The following RBFOX1 variants were observed in gnomAD, a reference collection of about 807,000 sequenced individuals.
RBFOX1 encodes RNA binding protein fox-1 homolog 1.
Under a neutral mutation model 57.7 loss-of-function variants are expected in RBFOX1, and 8 were observed. The ratio of observed to expected loss-of-function variants is 0.14; its 90% CI spans 0.08 to 0.25. RBFOX1 has a LOEUF of 0.25. RBFOX1 is among the 10% of genes least tolerant of loss of function. RBFOX1 has a pLI of 1.00. For missense variants in RBFOX1, 611 were observed against 548.5 expected, an observed-to-expected ratio of 1.11 and a Z score of -1.14; for synonymous variants, 326 against 222.4, an observed-to-expected ratio of 1.47 and a Z score of -4.15.
At chr16:5,329,846 A>G (rs1236979404) in intron 1 of RBFOX1, among the ~76,000 whole-genome samples, 1 of 152,142 alleles carries the variant, frequency 6.6e-6, no homozygotes, top group East Asian at 1.9e-4. Flanking sequence ...AAAAAAGTCC[A>G]AAAATATTAG....
At position 5,917,072 on chromosome 16, in the gene RBFOX1, G is replaced by A. The variant is rs150517703; in HGVS notation, c.351+49737G>A. On this transcript the variant is annotated intron_variant, in intron 4 of 19. Coordinates refer to the RBFOX1 transcript ENST00000641259. ...TCTCCCTTCACCGCACCCTGCAGGC[G>A]TGGCCCCACTTGAACCTGCTCTACA... Among the ~76,000 whole-genome samples the A allele has an allele frequency of 5.3e-4, 81 of 152,186 alleles. 1 individual carries two copies. Among genetic ancestry groups the A allele is most frequent in the Non-Finnish European group, 8.7e-4 (59 of 68,006 alleles).
chr16:6,046,329 C>T (rs1420779333), intron 1 of RBFOX1, among the ~76,000 whole-genome samples: 1 of 152,118 alleles, frequency 6.6e-6, no homozygotes, highest in African/African-American at 2.4e-5. Context: ...TGAATGACTT[C>T]TAGCAAATGC....
At chr16:7,368,820 C>G (rs2097515222) in intron 4 of RBFOX1, among the ~76,000 whole-genome samples, 2 of 151,714 alleles carry the variant, frequency 1.3e-5, no homozygotes, top group Admixed American at 1.3e-4. Context: ...AGTGTATGTC[C>G]TTCTACAGTT....
At chr16:6,238,813 T>C (rs113764752) in intron 1 of RBFOX1, among the ~76,000 whole-genome samples, 5 of 152,334 alleles carry the variant, frequency 3.3e-5, no homozygotes, top group African/African-American at 1.2e-4. Flanking sequence ...ACATGAGATG[T>C]TTTGATATAG....
intron 1 of RBFOX1, among the ~76,000 whole-genome samples, chr16:6,086,407 C>T (rs903931807): frequency 6.6e-6 from 1 of 152,180 alleles, no homozygotes; most frequent in Non-Finnish European, 1.5e-5. Context: ...TTAATCCACT[C>T]TGAGTCAGTT....
intron 3 of RBFOX1, among the ~76,000 whole-genome samples, chr16:6,668,019 C>A (rs1404327925): frequency 6.6e-6 from 1 of 152,162 alleles, no homozygotes; most frequent in East Asian, 1.9e-4. Context: ...GAGTATACAT[C>A]TAGGACAAGT....
chr16:5,383,997 C>A (rs1339892167), intron 1 of RBFOX1, among the ~76,000 whole-genome samples: 7 of 152,172 alleles, frequency 4.6e-5, no homozygotes, highest in Non-Finnish European at 2.9e-5. Context: ...ATCAGGAAGT[C>A]CCTTTCCACA....
intron 1 of RBFOX1, among the ~76,000 whole-genome samples, chr16:5,354,842 G>A (rs1251850658): frequency 2.0e-5 from 3 of 152,222 alleles, no homozygotes; most frequent in South Asian, 2.1e-4. Flanking sequence ...GCAGCCACTT[G>A]TCACCATGTG....
chr16:6,627,975 A>G (rs1567948013), intron 2 of RBFOX1, among the ~76,000 whole-genome samples: 2 of 152,238 alleles, frequency 1.3e-5, no homozygotes, highest in Non-Finnish European at 2.9e-5. Context: ...CTGGATGTCA[A>G]CAGCCATAAC....
chr16:7,098,468 T>C (rs1327472835), intron 4 of RBFOX1, among the ~76,000 whole-genome samples: 1 of 152,110 alleles, frequency 6.6e-6, no homozygotes. Flanking sequence ...CTGTGCCAGG[T>C]AGGCAAAAAC....
Position 6,063,625 on chromosome 16 carries a change from C to A in RBFOX1, c.-127+43633C>A, listed in dbSNP as rs78193247. Reference sequence around the variant, plus strand: ...GCAGCTCTCAAGACGATCGTTTACTCTATTATCAAGCTTACCATTTATTTT... The same window carrying A: ...GCAGCTCTCAAGACGATCGTTTACTATATTATCAAGCTTACCATTTATTTT... On this transcript the variant is annotated intron_variant, in intron 1 of 15. Coordinates refer to ENST00000550418, the MANE Select transcript of RBFOX1 (RefSeq NM_018723.4). Among the ~76,000 whole-genome samples, 82 of 152,236 alleles carry A rather than the reference C, an allele frequency of 5.4e-4. No individual in the cohort carries two copies. The East Asian group carries it at 0.014, about 27-fold the overall frequency.
At chr16:6,586,761 C>T (rs1048890818) in intron 2 of RBFOX1, among the ~76,000 whole-genome samples, 1 of 152,128 alleles carries the variant, frequency 6.6e-6, no homozygotes, top group African/African-American at 2.4e-5. Flanking sequence ...GGATAAGTCC[C>T]GGCCAGATCT....
At chr16:6,002,859 T>G (rs1445716488) in intron 4 of RBFOX1, among the ~76,000 whole-genome samples, 1 of 152,172 alleles carries the variant, frequency 6.6e-6, no homozygotes, top group Non-Finnish European at 1.5e-5. Context: ...GGTTGTGTGT[T>G]AAATATCCTC....
chr16:5,511,893 A>G lies in RBFOX1; in HGVS notation c.258+44639A>G, dbSNP rs77562357. 4.2e-3 allele frequency among the ~76,000 whole-genome samples: 633 copies of G among 152,336 alleles called. 2 individuals are homozygous for G. Among genetic ancestry groups the G allele is most frequent in the African/African-American group, 0.014 (589 of 41,574 alleles). On this transcript the variant is annotated intron_variant, in intron 2 of 2. Coordinates refer to the RBFOX1 transcript ENST00000585867. ...GTTGAGTACATCCTGCATGAAGTGT[A>G]TAAAGTACCAGATATTAAAGCTTAT... is the stretch of plus-strand genomic sequence containing the variant.
rs150648452 is a variant in RBFOX1, at chr16:6,419,152, C to T, written c.-64+102095C>T. Among the ~76,000 whole-genome samples the T allele has an allele frequency of 4.3e-3, 653 of 152,266 alleles. 6 individuals are homozygous for T. Among genetic ancestry groups the T allele is most frequent in the Middle Eastern group, 0.014 (4 of 294 alleles). On this transcript the variant is annotated intron_variant, in intron 2 of 15. Transcript: ENST00000550418. The stretch of plus-strand genomic sequence containing the variant: ...TTTTCTAAACCTTTTTCCAAACCTT[C>T]AATTTTATAAAATGTGACACACATT...
intron 11 of RBFOX1, among the ~76,000 whole-genome samples, chr16:7,646,092 C>A (rs2063686018): frequency 6.6e-6 from 1 of 152,046 alleles, no homozygotes; most frequent in Non-Finnish European, 1.5e-5. Flanking sequence ...AAGAGAGTGA[C>A]CTAGTTGTCT....
chr16:5,272,972 T>G (rs997922012), intron 1 of RBFOX1, among the ~76,000 whole-genome samples: 2 of 152,234 alleles, frequency 1.3e-5, no homozygotes, highest in African/African-American at 4.8e-5. Flanking sequence ...TGTTTTTCCC[T>G]ATAAAATCTA....
chr16:5,259,090 G>A (rs1036864941), intron 1 of RBFOX1, among the ~76,000 whole-genome samples: 22 of 152,114 alleles, frequency 1.4e-4, no homozygotes, highest in Admixed American at 1.4e-3. Context: ...TGTCATGAAT[G>A]AATCCTTGCA....
chr16:6,116,359 T>G (rs1238860912), intron 1 of RBFOX1, among the ~76,000 whole-genome samples: 1 of 152,190 alleles, frequency 6.6e-6, no homozygotes, highest in Non-Finnish European at 1.5e-5. Flanking sequence ...ATGGCATGTG[T>G]ATACCTTTCT....
Sources: allele counts gnomAD v4.1 joint callset (sites outside exome capture counted in the v4.1 genomes callset), GRCh38; gene constraint gnomAD v4.1.1; transcripts MANE v1.5; gene names NCBI Gene and HGNC (gene_info 2026-07-23, HGNC 2026-07-21).